Variants in AFG2A observed in about 807,000 individuals in gnomAD.
The protein encoded by AFG2A is ATPase family gene 2 protein homolog A.
the AFG2A span, among the ~76,000 whole-genome samples, chr4:122,930,362 T>C: frequency 1.3e-5 from 2 of 152,034 alleles, no homozygotes; most frequent in Non-Finnish European, 2.9e-5. Flanking sequence ...TAGTAATAGT[T>C]TGGGGGATGT....
the AFG2A span, among the ~76,000 whole-genome samples, chr4:122,973,533 T>G: frequency 6.6e-6 from 1 of 152,214 alleles, no homozygotes; most frequent in Non-Finnish European, 1.5e-5. Flanking sequence ...CATTGTCTTT[T>G]TAGTTAAACA....
the AFG2A span, among the ~76,000 whole-genome samples, chr4:123,222,788 A>G: frequency 3.3e-5 from 5 of 152,086 alleles, no homozygotes; most frequent in East Asian, 9.6e-4. Context: ...GAATCATGCT[A>G]TTTGTCTTTG....
chr4:122,925,140 T>TC, the AFG2A span, among the ~76,000 whole-genome samples: 6 of 151,768 alleles, frequency 4.0e-5, no homozygotes, highest in Non-Finnish European at 7.4e-5. Flanking sequence ...TCCATGACTC[T>TC]CCCCCCCATA....
chr4:123,032,497 A>G, the AFG2A span, among the ~76,000 whole-genome samples: 2 of 152,128 alleles, frequency 1.3e-5, no homozygotes, highest in Non-Finnish European at 2.9e-5. Flanking sequence ...GGTTCAAGCA[A>G]TTCTCTGCCT....
the AFG2A span, among the ~76,000 whole-genome samples, chr4:123,038,294 T>G: frequency 6.6e-6 from 1 of 152,084 alleles, no homozygotes; most frequent in African/African-American, 2.4e-5. Context: ...GTAAAAGGGA[T>G]AAGACATAGT....
chr4:122,945,581 G>A, the AFG2A span, among the ~76,000 whole-genome samples: 11 of 152,296 alleles, frequency 7.2e-5, no homozygotes, highest in South Asian at 2.1e-3. Context: ...GGAACTCCCT[G>A]ACCCCTTGCA....
At chr4:122,968,021 A>G in the AFG2A span, among the ~76,000 whole-genome samples, 1 of 152,124 alleles carries the variant, frequency 6.6e-6, no homozygotes, top group Admixed American at 6.5e-5. Flanking sequence ...TTTTAGGTTT[A>G]CAGAAGAATA....
the AFG2A span, among the ~76,000 whole-genome samples, chr4:122,957,703 A>G: frequency 6.6e-6 from 1 of 152,182 alleles, no homozygotes; most frequent in Non-Finnish European, 1.5e-5. Context: ...ATAACTGCCT[A>G]CACAAGTTTG....
chr4:123,306,021 C>T, the AFG2A span, among the ~76,000 whole-genome samples: 3 of 152,230 alleles, frequency 2.0e-5, no homozygotes, highest in African/African-American at 7.2e-5. Flanking sequence ...ACACTGCTCA[C>T]AAGTGGAGCT....
the AFG2A span, among the ~76,000 whole-genome samples, chr4:123,149,410 G>C: frequency 3.9e-5 from 6 of 152,174 alleles, no homozygotes; most frequent in Admixed American, 2.6e-4. Context: ...AATAAAATGA[G>C]AAATGGGGTT....
the AFG2A span, among the ~76,000 whole-genome samples, chr4:122,967,929 T>C: frequency 6.6e-6 from 1 of 152,206 alleles, no homozygotes; most frequent in East Asian, 1.9e-4. Flanking sequence ...AACTTCATTG[T>C]ATATGTACAT....
At chr4:122,937,887 T>C in the AFG2A span, among the ~76,000 whole-genome samples, 3 of 152,186 alleles carry the variant, frequency 2.0e-5, no homozygotes, top group African/African-American at 4.8e-5. Context: ...TTAAGCAGCA[T>C]ACTCTACTCA....
the AFG2A span, among the ~76,000 whole-genome samples, chr4:123,286,914 C>T: frequency 6.6e-6 from 1 of 151,970 alleles, no homozygotes; most frequent in East Asian, 1.9e-4. Context: ...GTACCAGCAC[C>T]CCAAAGTCAC....
At chr4:123,109,227 TTATCTC>T in the AFG2A span, among the ~76,000 whole-genome samples, 2 of 152,152 alleles carry the variant, frequency 1.3e-5, no homozygotes, top group African/African-American at 4.8e-5. Context: ...GATGATAAGT[TTATCTC>T]TATACTCCCA....
chr4:123,123,631 C>A, the AFG2A span, among the ~76,000 whole-genome samples: 1 of 151,924 alleles, frequency 6.6e-6, no homozygotes, highest in Non-Finnish European at 1.5e-5. Context: ...CATCTCACAC[C>A]AGTTAGAATG....
chr4:123,028,203 A>C, the AFG2A span: 93 of 1,613,972 alleles, frequency 5.8e-5, no homozygotes, highest in Non-Finnish European at 7.5e-5. Context: ...GGTCAGATAT[A>C]GGAGGACTGG....
At chr4:123,183,412 T>G in the AFG2A span, among the ~76,000 whole-genome samples, 2 of 152,178 alleles carry the variant, frequency 1.3e-5, no homozygotes, top group African/African-American at 4.8e-5. Flanking sequence ...AGGAAAAAAG[T>G]TAGACTAAAT....
chr4:123,113,844 A>G, the AFG2A span, among the ~76,000 whole-genome samples: 1 of 152,142 alleles, frequency 6.6e-6, no homozygotes, highest in Non-Finnish European at 1.5e-5. Flanking sequence ...AAAAGCTCAG[A>G]AGAGGCCTGC....
the AFG2A span, among the ~76,000 whole-genome samples, chr4:123,270,299 G>T: frequency 2.0e-5 from 3 of 152,160 alleles, no homozygotes; most frequent in South Asian, 6.2e-4. Context: ...AAATGTAAAA[G>T]ATAAAATAGT....
Sources: gnomAD v4.1 joint callset for allele counts (sites outside exome capture counted in the v4.1 genomes callset) on GRCh38, gnomAD v4.1.1 for gene constraint, MANE v1.5 for transcripts, NCBI Gene and HGNC (gene_info 2026-07-23, HGNC 2026-07-21) for gene names.